The following TTN variants were observed in gnomAD, a reference collection of about 807,000 sequenced individuals.
The protein encoded by TTN is connectin.
TTN carries 1,525 observed loss-of-function variants against 3,223.0 expected under a neutral mutation model. The observed-to-expected ratio is 0.47, with a 90% confidence interval of 0.45 to 0.49. The LOEUF (loss-of-function observed/expected upper bound fraction) is 0.49. Among genes scored for constraint, TTN ranks in the 20% least tolerant of loss-of-function variants. The pLI is 0.00. For synonymous variants in TTN, 14,094 were observed against 15,161.0 expected (o/e 0.93, Z 5.17); for missense variants, 40,786 against 43,424.0 (o/e 0.94, Z 5.40).
At position 178,651,256 on chromosome 2, in the gene TTN, G is replaced by A; in HGVS notation, c.39612C>T (p.Val13204=). The change falls in exon 208 of 363, where the codon GTC becomes GTT. Residue 13204 remains valine, a synonymous_variant. Coordinates refer to ENST00000589042, the MANE Select transcript of TTN (RefSeq NM_001267550.2). ...KKVAVPKKPE[V]PPAKVPEVPK... The stretch of plus-strand genomic sequence containing the variant: ...AGTGACATGTACCTTTTGCTGGTGG[G>A]ACTTCTGGCTTTTTGGGAACAGCTA... 1.2e-6 allele frequency: 2 copies of A among 1,613,116 alleles called. No individual in the cohort carries two copies. The highest frequency in any genetic ancestry group is 1.7e-6 in the Non-Finnish European group (2 of 1,179,386).
Position 178,634,351 on chromosome 2 carries a change from C to T in TTN, c.42415+15G>A. 6.3e-7 allele frequency: 1 copy of T among 1,596,144 alleles called. No homozygotes were observed. The highest frequency in any genetic ancestry group is 8.5e-7 in the Non-Finnish European group (1 of 1,175,718). On this transcript the variant is annotated intron_variant, in intron 230 of 362. Transcript: ENST00000589042. This position sits in a 1 kb window ranked among gnomAD's most constrained non-coding sequence, Gnocchi z 4.6. ...TGCCTTTATGGGATGTCACAGATCT[C>T]ATTAGCTCGCTTACCTGTGACAAAC...
At chr2:178,688,037 G>T in intron 127 of TTN, 74 bp downstream of exon 127, 1 of 1,235,478 alleles carries the variant, frequency 8.1e-7, no homozygotes, top group Non-Finnish European at 1.2e-6. Flanking sequence ...CTTTTCATTG[G>T]TCTGTAGACA....
rs1261601154 is a variant in TTN at position 178,732,617 on chromosome 2, T to C, written c.16444A>G (p.Arg5482Gly). Residue 5482 changes from arginine (R) to glycine (G), a missense_variant, in exon 56 of 363, where the codon AGA (arginine) becomes GGA (glycine). By Grantham distance (125) the Arg-to-Gly change is moderately radical. Transcript: ENST00000589042. ...AGCTCTTTGTTGCCCTTAAACCATC[T>C]GATTGTGAGAGGAGTAGATCCTTGG... ...TFQGSTPLTI[R>G]WFKGNKELVS... 2.5e-6 allele frequency: 4 copies of C among 1,613,438 alleles called. No individual in the cohort carries two copies. Among genetic ancestry groups the C allele is most frequent in the Non-Finnish European group, 3.4e-6 (4 of 1,179,714 alleles).
chr2:178,649,243 G>C lies in TTN; in HGVS notation c.40057+5C>G. ...AGAAATCTATTTTTTCTTCATGGTA[G>C]GTACCTTTTTCTGGAAGAACTTCTG... On this transcript the variant is annotated splice_donor_5th_base_variant and intron_variant, in intron 213 of 362. Coordinates refer to ENST00000589042, the MANE Select transcript of TTN (RefSeq NM_001267550.2). The C allele has an allele frequency of 6.7e-7, 1 of 1,499,746 alleles. No individual in the cohort carries two copies. The highest frequency in any genetic ancestry group is 8.9e-7 in the Non-Finnish European group (1 of 1,129,360). The allele number at this position is 1,499,746 out of a possible 1,614,324, so 92.9% of individuals were successfully genotyped here. A position where few individuals can be genotyped will look rare whatever the true frequency, so the allele number is the denominator to read the frequency against.
At chr2:178,745,327 C>A (rs2083287867) in intron 47 of TTN, 1 of 1,318,320 alleles carries the variant, frequency 7.6e-7, no homozygotes, top group South Asian at 1.8e-5. Context: ...ATTAGGTAGC[C>A]AAGGAGAGAT....
chr2:178,555,288 A>G (rs1700942326), intron 330 of TTN, 136 bp from the exon 331 acceptor site: 4 of 855,592 alleles, frequency 4.7e-6, no homozygotes, highest in Admixed American at 3.3e-5. Flanking sequence ...CTATGCAATT[A>G]TTATTTAAAA....
intron 40 of TTN, 43 bp downstream of exon 40, chr2:178,767,716 G>A: frequency 6.2e-7 from 1 of 1,604,984 alleles, no homozygotes; most frequent in Non-Finnish European, 8.5e-7. Flanking sequence ...ATAGATTATG[G>A]ACTACTGATG....
intron 47 of TTN, chr2:178,749,901 G>A (rs1456868203): frequency 6.2e-7 from 1 of 1,613,186 alleles, no homozygotes; most frequent in South Asian, 1.1e-5. Context: ...CACCTGGCAT[G>A]CTTTGGCATT....
chr2:178,549,100 C>A lies in TTN; in HGVS notation c.92526G>T (p.Trp30842Cys). Residue 30842 changes from tryptophan to cysteine, a missense_variant, in exon 339 of 363, where the codon TGG (tryptophan) becomes TGT (cysteine). Physicochemically the swap from Trp to Cys is radical, Grantham distance 215. Coordinates refer to ENST00000589042, the MANE Select transcript of TTN (RefSeq NM_001267550.2). Reference sequence around the variant, plus strand: ...TGCCACCATCAAACACTGGTTTGGACCATTCTAAGCTCACAGTTGTCTTTG... The same window carrying A: ...TGCCACCATCAAACACTGGTTTGGAACATTCTAAGCTCACAGTTGTCTTTG... Reference protein sequence around the residue: ...DTSKTTVSLEWSKPVFDGGME... With the variant: ...DTSKTTVSLECSKPVFDGGME... 1 of 1,613,868 alleles carries A rather than the reference C, an allele frequency of 6.2e-7. No homozygotes were observed. The highest frequency in any genetic ancestry group is 8.5e-7 in the Non-Finnish European group (1 of 1,179,830).
In TTN at chr2:178,653,027, C is replaced by G. The variant is rs763548807; in HGVS notation, c.38875+14G>C. On this transcript the variant is annotated intron_variant, in intron 199 of 362. Transcript: ENST00000589042. ...GAGTTCAGTCTTCTGAAGCCTAAAG[C>G]CAGTGACAAATACCTTTAACAGGTG... The G allele has an allele frequency of 3.7e-6, 6 of 1,609,238 alleles. No individual in the cohort carries two copies. The highest frequency in any genetic ancestry group is 5.1e-6 in the Non-Finnish European group (6 of 1,178,022).
rs1459999072 is a variant in TTN, at chr2:178,600,955, A to G, written c.55949T>C (p.Val18650Ala). Reference sequence around the variant, plus strand: ...TCGGAATTCATATTCCCCACCCTCTACTAGGTCTTCAACAGTAAATTGCAG... The same window carrying G: ...TCGGAATTCATATTCCCCACCCTCTGCTAGGTCTTCAACAGTAAATTGCAG... ...EELQFTVEDL[V>A]EGGEYEFRVK... Residue 18650 changes from valine to alanine, a missense_variant, in exon 288 of 363, where the codon GTA becomes GCA. Physicochemically the swap from Val to Ala is moderately conservative, Grantham distance 64. Transcript: ENST00000589042. 1.2e-6 allele frequency: 2 copies of G among 1,612,870 alleles called. No homozygotes were observed. The highest frequency in any genetic ancestry group is 2.2e-5 in the East Asian group (1 of 44,752).
chr2:178,665,906 C>A (rs1306665077), intron 163 of TTN, 115 bp from the exon 164 acceptor site: 1 of 448,316 alleles, frequency 2.2e-6, no homozygotes, highest in Non-Finnish European at 3.7e-6. Flanking sequence ...TCCCCGCCCC[C>A]AGAATCGGAT....
intron 226 of TTN, 30 bp downstream of exon 226, chr2:178,635,933 C>T: frequency 6.4e-7 from 1 of 1,551,566 alleles, no homozygotes. Context: ...TAACAATAAG[C>T]AGAACGAAAT....
chr2:178,622,829 A>G (rs1416124669), intron 242 of TTN, 62 bp from the exon 243 acceptor site: 4 of 1,223,742 alleles, frequency 3.3e-6, no homozygotes, highest in Middle Eastern at 1.9e-4. Flanking sequence ...TGACATTACC[A>G]TAGTATACAT....
Position 178,718,207 on chromosome 2 carries a change from T to A in TTN, c.24799A>T (p.Ile8267Phe), listed in dbSNP as rs534974639. 6.9e-6 allele frequency: 11 copies of A among 1,600,826 alleles called. No homozygotes were observed. The African/African-American group carries it at 1.5e-4, about 21-fold the overall frequency. The change falls in exon 86 of 363, where the codon ATT (isoleucine) becomes TTT (phenylalanine). Residue 8267 changes from isoleucine (I) to phenylalanine (F), a missense_variant. By Grantham distance (21) the Ile-to-Phe change is conservative. Coordinates refer to ENST00000589042, the MANE Select transcript of TTN (RefSeq NM_001267550.2). ...GCTTCCACATGTTCCAGAGGTTCAA[T>A]AAAGTACGGTGGTTCTATGGTACAA... ...LVSVLEPPYF[I>F]EPLEHVEAVI...
In TTN at chr2:178,771,351, A is replaced by C; in HGVS notation, c.7976T>G (p.Leu2659Arg). Residue 2659 changes from leucine (L) to arginine (R), a missense_variant, in exon 34 of 363, where the codon CTA (leucine) becomes CGA (arginine). Leu to Arg is a moderately radical substitution (Grantham distance 102). Coordinates refer to ENST00000589042, the MANE Select transcript of TTN (RefSeq NM_001267550.2). ...ACTTCTGATGTTGTTAGTCAGTGGT[A>C]GGTGTTTGCCATCCCTCAACCATTC... ...KGEWLRDGKHLPLTNNIRSES... is the reference protein window; with the variant it reads ...KGEWLRDGKHRPLTNNIRSES... 1 of 1,614,062 alleles carries C rather than the reference A, an allele frequency of 6.2e-7. No individual in the cohort carries two copies. Among genetic ancestry groups the C allele is most frequent in the Non-Finnish European group, 8.5e-7 (1 of 1,179,986 alleles).
rs768034029 is a variant in TTN at position 178,729,317 on chromosome 2, C to G, written c.18839G>C (p.Cys6280Ser). ...CAGGGCAACTCTAGTACTGCATGAG[C>G]AGCTGCCGCCTTCATTGGATACAAT... ...QCIVSNEGGS[C>S]SCSTRVALKE... The change falls in exon 64 of 363, where the codon TGC (cysteine) becomes TCC (serine). Residue 6280 changes from cysteine to serine, a missense_variant. By Grantham distance (112) the Cys-to-Ser change is moderately radical. Transcript: ENST00000589042. 6.2e-7 allele frequency: 1 copy of G among 1,611,556 alleles called. No individual in the cohort carries two copies. The highest frequency in any genetic ancestry group is 8.5e-7 in the Non-Finnish European group (1 of 1,178,242).
chr2:178,681,282 A>C, intron 137 of TTN, 94 bp downstream of exon 137: 1 of 1,443,646 alleles, frequency 6.9e-7, no homozygotes, highest in Non-Finnish European at 9.5e-7. Context: ...CATCCTACTC[A>C]GCAAAAACAC....
In TTN at chr2:178,576,447, T is replaced by C. The variant is rs1253911654; in HGVS notation, c.69716-31A>G. The C allele has an allele frequency of 6.3e-7, 1 of 1,586,508 alleles. No homozygotes were observed. The highest frequency in any genetic ancestry group is 1.2e-5 in the South Asian group (1 of 85,462). ...AAAGAAACAAAGACACAAAAGTATA[T>C]ATTCAGAGTTTGGCTTTTGGGTAAT... On this transcript the variant is annotated intron_variant, in intron 325 of 362. Transcript: ENST00000589042. The surrounding 1 kb of genome is among the most constrained non-coding windows in gnomAD (Gnocchi z 4.3).
Sources: gnomAD v4.1 joint callset for allele counts on GRCh38, gnomAD v4.1.1 for gene constraint, Gnocchi (gnomAD v3.1) non-coding constraint, MANE v1.5 for transcripts, NCBI Gene and HGNC (gene_info 2026-07-23, HGNC 2026-07-21) for gene names.